Variants in DGKI observed in about 807,000 individuals in gnomAD.
DGKI encodes the protein diacylglycerol kinase iota.
In DGKI, 55 loss-of-function variants were observed where a neutral mutation model predicts 147.5. The ratio of observed to expected loss-of-function variants is 0.37; its 90% CI spans 0.30 to 0.47. The LOEUF is 0.47. DGKI is among the 20% of genes least tolerant of loss of function. The probability of loss-of-function intolerance (pLI) is 1.00; values close to 1 mark genes in which losing one functional copy is unlikely to be tolerated. For synonymous variants in DGKI, 469 were observed against 477.1 expected, an observed-to-expected ratio of 0.98 and a Z score of 0.22; for missense variants, 1,007 against 1,323.8, an observed-to-expected ratio of 0.76 and a Z score of 3.71.
intron 1 of DGKI, among the ~76,000 whole-genome samples, chr7:137,692,951 T>C (rs555958790): frequency 6.6e-6 from 1 of 152,188 alleles, no homozygotes; most frequent in Non-Finnish European, 1.5e-5. Flanking sequence ...AAAAAATATA[T>C]TTAGGTACAA....
At chr7:137,768,236 T>A (rs1796077260) in intron 1 of DGKI, among the ~76,000 whole-genome samples, 1 of 152,138 alleles carries the variant, frequency 6.6e-6, no homozygotes, top group Non-Finnish European at 1.5e-5. Context: ...ACCTAACAGA[T>A]AATGTCTACA....
intron 30 of DGKI, among the ~76,000 whole-genome samples, chr7:137,399,505 C>A (rs908262656): frequency 6.6e-6 from 1 of 152,166 alleles, no homozygotes; most frequent in Non-Finnish European, 1.5e-5. Context: ...TTAAAAATCC[C>A]AGCTCTATAT....
intron 28 of DGKI, among the ~76,000 whole-genome samples, chr7:137,434,638 A>C (rs1389745751): frequency 1.3e-5 from 2 of 152,124 alleles, no homozygotes; most frequent in African/African-American, 4.8e-5. Context: ...AGCCACTTAC[A>C]ATCAACCTTC....
chr7:137,845,572 C>G (rs1680093405), intron 1 of DGKI, among the ~76,000 whole-genome samples: 1 of 152,206 alleles, frequency 6.6e-6, no homozygotes, highest in African/African-American at 2.4e-5. Flanking sequence ...GTCAACAACT[C>G]TCCAAACCTG....
chr7:137,435,551 C>T (rs1011404041), intron 28 of DGKI, among the ~76,000 whole-genome samples: 6 of 151,910 alleles, frequency 3.9e-5, no homozygotes, highest in Non-Finnish European at 7.4e-5. Flanking sequence ...AGCTCGAAAG[C>T]AACATGAGCT....
intron 21 of DGKI, among the ~76,000 whole-genome samples, chr7:137,517,299 G>GAA (rs1307868649): frequency 1.0e-5 from 1 of 96,976 alleles, no homozygotes. Context: ...AAGAAAGAAA[G>GAA]AAAGAAAGAA....
chr7:137,690,855 GAAA>G (rs200806211), intron 1 of DGKI, among the ~76,000 whole-genome samples: 1 of 150,426 alleles, frequency 6.6e-6, no homozygotes, highest in East Asian at 1.9e-4. Context: ...GCAAGAAGAA[GAAA>G]AAAAAAGCAG....
chr7:137,539,827 GC>G (rs1817630144), intron 20 of DGKI, among the ~76,000 whole-genome samples: 1 of 151,918 alleles, frequency 6.6e-6, no homozygotes, highest in Non-Finnish European at 1.5e-5. Flanking sequence ...CTTCAAAAAA[GC>G]CAATAAAATG....
intron 27 of DGKI, among the ~76,000 whole-genome samples, chr7:137,445,731 G>C (rs866911839): frequency 6.6e-6 from 1 of 152,112 alleles, no homozygotes; most frequent in Admixed American, 6.5e-5. Flanking sequence ...AAGCTTGCCT[G>C]CTCCTAGGCC....
intron 23 of DGKI, among the ~76,000 whole-genome samples, chr7:137,472,416 C>CATATTATAATTATTATATGTAT: frequency 7.9e-6 from 1 of 126,904 alleles, no homozygotes; most frequent in Non-Finnish European, 1.6e-5. Context: ...TGTATATATA[C>CATATTATAATTATTATATGTAT]ATATACATAT....
intron 1 of DGKI, among the ~76,000 whole-genome samples, chr7:137,719,524 A>G (rs564771549): frequency 7.2e-4 from 110 of 152,146 alleles, no homozygotes; most frequent in African/African-American, 2.5e-3. Flanking sequence ...GGATTCACAA[A>G]TGAAGTACTC....
chr7:137,585,020 T>C (rs1369548987), intron 14 of DGKI, among the ~76,000 whole-genome samples, 189 bp downstream of exon 14: 5 of 152,214 alleles, frequency 3.3e-5, no homozygotes, highest in African/African-American at 1.2e-4. Context: ...TCTAGGTATT[T>C]AGAGGTCTAT....
chr7:137,836,932 A>C (rs1349033683), intron 1 of DGKI, among the ~76,000 whole-genome samples: 2 of 152,148 alleles, frequency 1.3e-5, no homozygotes, highest in African/African-American at 4.8e-5. Context: ...CTCTCTCCTC[A>C]AGAGAGTTTG....
At chr7:137,505,129 G>A (rs1263731363) in intron 21 of DGKI, among the ~76,000 whole-genome samples, 2 of 147,492 alleles carry the variant, frequency 1.4e-5, no homozygotes, top group African/African-American at 5.0e-5. Context: ...CTTTCTGGGG[G>A]TGGGGGGATG....
chr7:137,443,904 C>T (rs1318680933), intron 28 of DGKI, among the ~76,000 whole-genome samples, 173 bp downstream of exon 28: 2 of 152,174 alleles, frequency 1.3e-5, no homozygotes, highest in African/African-American at 4.8e-5. Flanking sequence ...ATATCAAATT[C>T]AGCTAGGGTG....
intron 1 of DGKI, among the ~76,000 whole-genome samples, chr7:137,823,975 ATAAGCATTTAT>A (rs1348583541): frequency 6.6e-6 from 1 of 152,214 alleles, no homozygotes; most frequent in African/African-American, 2.4e-5. Context: ...TCATGATAAT[ATAAGCATTTAT>A]TAATGATTTA....
chr7:137,630,986 T>G (rs1388772702), intron 6 of DGKI, among the ~76,000 whole-genome samples: 9 of 141,448 alleles, frequency 6.4e-5, no homozygotes, highest in Admixed American at 4.0e-4. Flanking sequence ...CAAAGCAGGG[T>G]TTTTTTTGAA....
At chr7:137,806,279 G>A (rs1169854471) in intron 1 of DGKI, among the ~76,000 whole-genome samples, 1 of 152,234 alleles carries the variant, frequency 6.6e-6, no homozygotes, top group Admixed American at 6.5e-5. Context: ...CTTTGCAAAT[G>A]AAGAAACTGA....
chr7:137,728,755 C>G (rs937792316), intron 1 of DGKI, among the ~76,000 whole-genome samples: 7 of 152,128 alleles, frequency 4.6e-5, no homozygotes, highest in African/African-American at 1.7e-4. Flanking sequence ...CCTCTTTGTT[C>G]ATTAACACAT....
Sources: gnomAD v4.1 joint callset for allele counts (sites outside exome capture counted in the v4.1 genomes callset) on GRCh38, gnomAD v4.1.1 for gene constraint, MANE v1.5 for transcripts, NCBI Gene and HGNC (gene_info 2026-07-23, HGNC 2026-07-21) for gene names.